Variants in BRD1 observed in about 807,000 individuals in gnomAD.
The protein encoded by BRD1 is bromodomain-containing protein 1.
A neutral mutation model predicts 107.7 loss-of-function variants in BRD1; 24 were observed. That is an observed-to-expected ratio of 0.22 (90% CI 0.16 to 0.31). The LOEUF is 0.31. BRD1 is among the 10% of genes least tolerant of loss of function. The pLI is 1.00. For missense variants in BRD1, 1,279 were observed against 1,638.6 expected, an observed-to-expected ratio of 0.78 and a Z score of 3.79; for synonymous variants, 744 against 686.1, an observed-to-expected ratio of 1.08 and a Z score of -1.32.
At chr22:49,827,114 C>T (rs991809054) in intron 1 of BRD1, among the ~76,000 whole-genome samples, 42 of 151,780 alleles carry the variant, frequency 2.8e-4, no homozygotes, top group Admixed American at 6.5e-5. Context: ...GGCGGCCCGG[C>T]CGGCTCGGCG....
At chr22:49,795,224 G>A (rs750610208) in intron 6 of BRD1, among the ~76,000 whole-genome samples, 3 of 152,150 alleles carry the variant, frequency 2.0e-5, no homozygotes, top group Non-Finnish European at 4.4e-5. Flanking sequence ...GAAACCCCAA[G>A]AAGAAAGCCT....
intron 10 of BRD1, 84 bp from the exon 11 acceptor site, chr22:49,776,243 G>C (rs567334938): frequency 7.9e-7 from 1 of 1,264,758 alleles, no homozygotes; most frequent in Non-Finnish European, 1.1e-6. Context: ...GCAGCAACAG[G>C]GTGGGTCCCC....
intron 6 of BRD1, among the ~76,000 whole-genome samples, chr22:49,794,561 A>AGGG (rs2059495451): frequency 2.0e-5 from 3 of 152,214 alleles, no homozygotes; most frequent in African/African-American, 7.2e-5. Flanking sequence ...TCCAGGTAAG[A>AGGG]TCGCAACCTC....
intron 2 of BRD1, 97 bp downstream of exon 2, chr22:49,822,854 A>G (rs991222123): frequency 2.1e-6 from 3 of 1,422,698 alleles, no homozygotes; most frequent in African/African-American, 2.9e-5. Flanking sequence ...CTAGAAACGC[A>G]ATGACCACAC....
At position 49,824,152 on chromosome 22, in the gene BRD1, G is replaced by T. The variant is rs763056272; in HGVS notation, c.166C>A (p.Pro56Thr). ...TCATCTTCCAATATGATCTCCAGGGGATCAAAAATACTGATCCTGTGCAAG... is the reference window on the plus strand; with the variant it reads ...TCATCTTCCAATATGATCTCCAGGGTATCAAAAATACTGATCCTGTGCAAG... ...GRLHRISIFD[P>T]LEIILEDDLT... is the part of the protein sequence containing the mutation. The change falls in exon 2 of 13, where the codon CCC (proline) becomes ACC (threonine). Residue 56 changes from proline (P) to threonine (T), a missense_variant. By Grantham distance (38) the Pro-to-Thr change is conservative. Around this residue, in one of 7 missense-constraint regions of BRD1, gnomAD observed 223 missense variants for 263.5 expected, o/e 0.85. Coordinates refer to ENST00000404760, the MANE Select transcript of BRD1 (RefSeq NM_001304808.3). This position sits in a 1 kb window ranked among gnomAD's most constrained non-coding sequence, Gnocchi z 5.9. 6.2e-7 allele frequency: 1 copy of T among 1,613,968 alleles called. No homozygotes were observed. The highest frequency in any genetic ancestry group is 1.1e-5 in the South Asian group (1 of 91,088).
chr22:49,806,474 G>A (rs868016235), intron 2 of BRD1: 4 of 152,260 alleles, frequency 2.6e-5, no homozygotes, highest in Admixed American at 6.5e-5. Context: ...GAGCATGGAA[G>A]AGCAGCTTCC....
Position 49,794,283 on chromosome 22 carries a change from G to T in BRD1, c.2110C>A (p.Leu704Met). The change falls in exon 7 of 13, where the codon CTG becomes ATG. Residue 704 changes from leucine (L) to methionine (M), a missense_variant. Physicochemically the swap from Leu to Met is conservative, Grantham distance 15. Around this residue, in one of 7 missense-constraint regions of BRD1, gnomAD observed 406 missense variants for 519.4 expected, o/e 0.78. Coordinates refer to ENST00000404760, the MANE Select transcript of BRD1 (RefSeq NM_001304808.3). ...AGGTGGGCTCTGTTGGCGGGGTCCA[G>T]CAACCTGTCCACTGAACCAAAGGAC... The part of the protein sequence containing the change: ...PFSWEDVDRL[L>M]DPANRAHLGL... 1 of 1,610,538 alleles carries T rather than the reference G, an allele frequency of 6.2e-7. No homozygotes were observed.
At position 49,823,891 on chromosome 22, in the gene BRD1, T is replaced by C. The variant is rs1178613169; in HGVS notation, c.427A>G (p.Ile143Val). The C allele has an allele frequency of 1.9e-6, 3 of 1,614,120 alleles. No homozygotes were observed. The South Asian group carries it at 3.3e-5, about 18-fold the overall frequency. ...TCCAGTTCCTCGGCCGACTTCTCGATGAACTTGTAGTACACAGGAGGCCTC... is the reference window on the plus strand; with the variant it reads ...TCCAGTTCCTCGGCCGACTTCTCGACGAACTTGTAGTACACAGGAGGCCTC... The part of the protein sequence containing the change: ...PRRPPVYYKF[I>V]EKSAEELDNE... Residue 143 changes from isoleucine (I) to valine (V), a missense_variant, in exon 2 of 13, where the codon ATC (isoleucine) becomes GTC (valine). Ile to Val is a conservative substitution (Grantham distance 29). Coordinates refer to ENST00000404760, the MANE Select transcript of BRD1 (RefSeq NM_001304808.3).
intron 2 of BRD1, among the ~76,000 whole-genome samples, chr22:49,805,236 G>A (rs768722437): frequency 1.3e-5 from 2 of 152,114 alleles, no homozygotes; most frequent in African/African-American, 4.8e-5. Context: ...GACCCTCGGC[G>A]CCTCTCATCC....
At chr22:49,787,313 GT>G in intron 8 of BRD1, 76 bp downstream of exon 8, 12 of 406,968 alleles carry the variant, frequency 2.9e-5, no homozygotes, top group Non-Finnish European at 3.6e-5. Flanking sequence ...CCCCCCCCCC[GT>G]CACACCAATG....
intron 6 of BRD1, among the ~76,000 whole-genome samples, 164 bp downstream of exon 6, chr22:49,797,641 C>A (rs1471574434): frequency 6.6e-6 from 1 of 152,240 alleles, no homozygotes; most frequent in African/African-American, 2.4e-5. Flanking sequence ...CCACCTGCTT[C>A]TTTTCCATTT....
Position 49,808,020 on chromosome 22 carries a change from C to CA in BRD1, c.1368-3661dup, listed in dbSNP as rs1305802475. 4.9e-5 allele frequency among the ~76,000 whole-genome samples: 7 copies of CA among 143,600 alleles called. No individual in the cohort carries two copies. In the East Asian group the frequency reaches 5.9e-4, roughly 12 times the overall value. 94.2% of individuals were successfully genotyped at this position (143,600 alleles called of 152,430 possible). A position where few individuals can be genotyped will look rare whatever the true frequency, so the allele number is the denominator to read the frequency against. On this transcript the variant is annotated intron_variant, in intron 2 of 12. Transcript: ENST00000404760. ...TAGAATGGCTATCAAAAAATACTAA[C>CA]AAAAAACAAAAAAAAAATGTTGGTA...
intron 7 of BRD1, among the ~76,000 whole-genome samples, chr22:49,790,433 G>A (rs1202503365): frequency 3.3e-5 from 5 of 152,148 alleles, no homozygotes; most frequent in Admixed American, 6.5e-5. Context: ...GATACAACTC[G>A]GGCATAAGCC....
chr22:49,775,523 C>G, intron 12 of BRD1, 68 bp downstream of exon 12: 2 of 1,293,682 alleles, frequency 1.5e-6, no homozygotes, highest in Admixed American at 3.0e-5. Context: ...CAGGGACACT[C>G]AGGTCACCGA....
intron 2 of BRD1, among the ~76,000 whole-genome samples, chr22:49,810,941 A>G (rs1234354451): frequency 1.3e-5 from 2 of 152,248 alleles, no homozygotes; most frequent in Non-Finnish European, 2.9e-5. Context: ...AAAAACTGTT[A>G]CACAAATGTT....
At chr22:49,779,541 G>A (rs1213939802) in intron 8 of BRD1, among the ~76,000 whole-genome samples, 2 of 152,138 alleles carry the variant, frequency 1.3e-5, no homozygotes, top group African/African-American at 4.8e-5. Flanking sequence ...TCATTTTAAG[G>A]CAGGAACTGT....
intron 6 of BRD1, among the ~76,000 whole-genome samples, chr22:49,795,269 GGCCTCCAGGT>G (rs2059509164): frequency 1.3e-5 from 2 of 152,270 alleles, no homozygotes; most frequent in African/African-American, 4.8e-5. Context: ...AGAGACCCAC[GGCCTCCAGGT>G]CTGTGGCTCA....
intron 4 of BRD1, 21 bp downstream of exon 4, chr22:49,798,967 G>A (rs752854827): frequency 2.0e-5 from 32 of 1,588,836 alleles, no homozygotes; most frequent in Middle Eastern, 2.0e-4. Context: ...TGCACTCCAC[G>A]CGGGACAGGC....
At position 49,775,683 on chromosome 22, in the gene BRD1, T is replaced by C; in HGVS notation, c.3294A>G (p.Pro1098=). ...GHHNGVTIPA[P]PLDVLKIGEH... The stretch of plus-strand genomic sequence containing the variant: ...CCCCAATCTTCAGCACGTCCAGGGG[T>C]GGGGCCGGGATGGTGACGCCGTTGT... The change falls in exon 12 of 13, where the codon CCA becomes CCG. Residue 1098 remains proline, a synonymous_variant. Coordinates refer to ENST00000404760, the MANE Select transcript of BRD1 (RefSeq NM_001304808.3). The C allele has an allele frequency of 9.9e-6, 16 of 1,613,578 alleles. No individual in the cohort carries two copies. Among genetic ancestry groups the C allele is most frequent in the Non-Finnish European group, 1.3e-5 (15 of 1,179,806 alleles).
Sources: gnomAD v4.1 joint callset for allele counts (sites outside exome capture counted in the v4.1 genomes callset) on GRCh38, gnomAD v4.1.1 for gene constraint, gnomAD v4.1.1 regional missense constraint, Gnocchi (gnomAD v3.1) non-coding constraint, MANE v1.5 for transcripts, NCBI Gene and HGNC (gene_info 2026-07-23, HGNC 2026-07-21) for gene names.